PRKN: variants seen among roughly 807,000 people sequenced by gnomAD.
PRKN encodes parkin RBR E3 ubiquitin protein ligase, also known as E3 ubiquitin-protein ligase parkin.
Under a neutral mutation model 59.5 loss-of-function variants are expected in PRKN, and 56 were observed. The ratio of observed to expected loss-of-function variants is 0.94; its 90% confidence interval spans 0.76 to 1.18. PRKN has a LOEUF of 1.18. Among genes scored for constraint, PRKN ranks in the 50% most tolerant of loss-of-function variants. The pLI is 0.00. For missense variants in PRKN, 657 were observed against 596.4 expected (o/e 1.10, Z -1.06); for synonymous variants, 250 against 222.1 (o/e 1.13, Z -1.12).
At chr6:161,607,807 G>A (rs984091921) in intron 7 of PRKN, among the ~76,000 whole-genome samples, 22 of 152,224 alleles carry the variant, frequency 1.4e-4, no homozygotes, top group African/African-American at 5.1e-4. Context: ...AGGAGCCACT[G>A]TATAAGTAGG....
intron 2 of PRKN, among the ~76,000 whole-genome samples, chr6:162,334,343 C>T (rs895740535): frequency 1.3e-5 from 2 of 152,200 alleles, no homozygotes; most frequent in African/African-American, 4.8e-5. Context: ...CTTCCAAGGA[C>T]AGGCTGATTA....
At chr6:162,208,365 A>C (rs1298590584) in intron 3 of PRKN, among the ~76,000 whole-genome samples, 1 of 152,224 alleles carries the variant, frequency 6.6e-6, no homozygotes, top group Admixed American at 6.5e-5. Flanking sequence ...AAACATGCTT[A>C]GCAATCTCTA....
chr6:162,503,580 T>C (rs114917475), intron 1 of PRKN, among the ~76,000 whole-genome samples: 2,776 of 152,254 alleles, frequency 0.018, 86 homozygotes, highest in African/African-American at 0.062. Flanking sequence ...ATTTAAAACA[T>C]AATCTAATAA....
intron 6 of PRKN, among the ~76,000 whole-genome samples, chr6:161,951,208 A>C (rs2128245912): frequency 2.0e-5 from 3 of 152,242 alleles, no homozygotes; most frequent in African/African-American, 7.2e-5. Flanking sequence ...AATACGAAAC[A>C]GTATGGCAAG....
chr6:162,215,306 T>C (rs1777594631), intron 3 of PRKN, among the ~76,000 whole-genome samples: 1 of 152,186 alleles, frequency 6.6e-6, no homozygotes, highest in Admixed American at 6.5e-5. Context: ...ACCAAATAAC[T>C]AGACTTGAAA....
intron 3 of PRKN, among the ~76,000 whole-genome samples, chr6:162,232,112 GGA>G (rs1352111459): frequency 6.6e-6 from 1 of 152,092 alleles, no homozygotes; most frequent in African/African-American, 2.4e-5. Context: ...CCCAGAACAG[GGA>G]GAGAGGCTTT....
intron 6 of PRKN, among the ~76,000 whole-genome samples, chr6:161,788,061 G>A (rs534281171): frequency 2.0e-4 from 30 of 152,336 alleles, no homozygotes; most frequent in African/African-American, 5.8e-4. Flanking sequence ...CCATGGCTGC[G>A]TGGTATGCGG....
intron 1 of PRKN, among the ~76,000 whole-genome samples, chr6:162,721,175 T>G (rs1437945484): frequency 6.6e-6 from 1 of 152,204 alleles, no homozygotes; most frequent in Non-Finnish European, 1.5e-5. Flanking sequence ...TATCTGGACT[T>G]CTTTCCTTTG....
intron 2 of PRKN, among the ~76,000 whole-genome samples, chr6:162,356,336 C>A (rs934223178): frequency 1.3e-5 from 2 of 151,904 alleles, no homozygotes; most frequent in Non-Finnish European, 2.9e-5. Context: ...GCCGTCCCCC[C>A]ACCCCCATCC....
At chr6:162,200,643 ACT>A (rs1199062564) in intron 4 of PRKN, among the ~76,000 whole-genome samples, 1 of 152,164 alleles carries the variant, frequency 6.6e-6, no homozygotes, top group Admixed American at 6.5e-5. Context: ...TTATATGCAT[ACT>A]GTTTGCTGAT....
chr6:162,250,019 G>A (rs531080038), intron 3 of PRKN, among the ~76,000 whole-genome samples: 1 of 151,918 alleles, frequency 6.6e-6, no homozygotes, highest in Admixed American at 6.6e-5. Flanking sequence ...GGTTGCAGGC[G>A]CCTGTACTCC....
At chr6:162,077,943 G>A (rs550142910) in intron 4 of PRKN, among the ~76,000 whole-genome samples, 1 of 149,984 alleles carries the variant, frequency 6.7e-6, no homozygotes, top group Non-Finnish European at 1.5e-5. Flanking sequence ...GGAGGTTGCA[G>A]TGAGCCAAGA....
Position 161,372,287 on chromosome 6 carries a change from T to G in PRKN, c.1168-12082A>C, listed in dbSNP as rs7766508. Reference sequence around the variant, plus strand: ...TTTTGATAATGACATTCTCTAGTTTTTGGTTGGCTTAGGTCAGCAGTGACC... The same window carrying G: ...TTTTGATAATGACATTCTCTAGTTTGTGGTTGGCTTAGGTCAGCAGTGACC... On this transcript the variant is annotated intron_variant, in intron 10 of 11. Transcript: ENST00000366898. The surrounding 1 kb of genome is among the most constrained non-coding windows in gnomAD (Gnocchi z 4.2). Among the ~76,000 whole-genome samples, 55,473 of 152,088 alleles carry G rather than the reference T, an allele frequency of 0.36. 10,319 individuals are homozygous for G. Among genetic ancestry groups the G allele is most frequent in the African/African-American group, 0.38 (15,647 of 41,470 alleles).
chr6:161,456,945 C>T lies in PRKN; in HGVS notation c.1084-70068G>A, dbSNP rs1398438573. On this transcript the variant is annotated intron_variant, in intron 9 of 11. Transcript: ENST00000366898. This position sits in a 1 kb window ranked among gnomAD's most constrained non-coding sequence, Gnocchi z 4.8. ...GTGGTACTTGGACTTTGAAGCCAAA[C>T]ACTTGCCCTCTCAGAGCCTTTGCCT... Among the ~76,000 whole-genome samples, 2 of 152,180 alleles carry T rather than the reference C, an allele frequency of 1.3e-5. No homozygotes were observed. Among genetic ancestry groups the T allele is most frequent in the Admixed American group, 1.3e-4 (2 of 15,276 alleles).
At chr6:162,216,299 G>A (rs1241132038) in intron 3 of PRKN, among the ~76,000 whole-genome samples, 1 of 151,906 alleles carries the variant, frequency 6.6e-6, no homozygotes, top group African/African-American at 2.4e-5. Context: ...GGGAGGCCGA[G>A]GCGGGTGGAT....
chr6:162,192,827 G>A (rs556612893), intron 4 of PRKN, among the ~76,000 whole-genome samples: 5 of 152,110 alleles, frequency 3.3e-5, no homozygotes, highest in African/African-American at 7.2e-5. Flanking sequence ...TGGGTCAAGC[G>A]CATGGCTGGG....
At position 162,727,662 on chromosome 6, in the gene PRKN, C is replaced by G; in HGVS notation, c.7G>C (p.Val3Leu). 6.3e-7 allele frequency: 1 copy of G among 1,584,694 alleles called. No homozygotes were observed. Among genetic ancestry groups the G allele is most frequent in the Non-Finnish European group, 8.6e-7 (1 of 1,166,450 alleles). The part of the protein sequence containing the change: MI[V>L]FVRFNSSHGF... ...CTGTACCTGGCAGGTACCCACGTAC[C>G]TATCATGGTCACTGGGTAGGTGGCG... Residue 3 changes from valine (V) to leucine (L), a missense_variant and splice_region_variant, in exon 1 of 12, where the codon GTG (valine) becomes CTG (leucine). Physicochemically the swap from Val to Leu is conservative, Grantham distance 32 (BLOSUM62 1). Transcript: ENST00000366898.
rs112993830 is a variant in PRKN, at chr6:162,685,110, T to C, written c.7+42552A>G. On this transcript the variant is annotated intron_variant, in intron 1 of 11. Transcript: ENST00000366898. ...CAGCTATAGACCTTGGGCAAATTAC[T>C]TTACACCTCTGAGTATTAATGCTCT... Among the ~76,000 whole-genome samples the C allele has an allele frequency of 5.2e-3, 788 of 152,280 alleles. 7 individuals carry two copies. The highest frequency in any genetic ancestry group is 0.017 in the African/African-American group (720 of 41,568).
chr6:161,646,541 G>A (rs1325217324), intron 7 of PRKN, among the ~76,000 whole-genome samples: 25 of 148,970 alleles, frequency 1.7e-4, no homozygotes, highest in Non-Finnish European at 2.7e-4. Flanking sequence ...GTGTGCGTGC[G>A]TGGCGGAGGA....
Sources: allele counts gnomAD v4.1 joint callset (sites outside exome capture counted in the v4.1 genomes callset), GRCh38; gene constraint gnomAD v4.1.1; non-coding constraint Gnocchi (gnomAD v3.1); transcripts MANE v1.5; gene names NCBI Gene and HGNC (gene_info 2026-07-23, HGNC 2026-07-21).